Variants in UMAD1 observed in about 807,000 individuals in gnomAD.
UMAD1 encodes the protein UBAP1-MVB12-associated (UMA)-domain containing protein 1.
A neutral mutation model predicts 6.1 loss-of-function variants in UMAD1; 8 were observed. The observed-to-expected ratio is 1.30, with a 90% CI of 0.76 to 2.35. The LOEUF (loss-of-function observed/expected upper bound fraction) is 2.35, where lower values mean the gene tolerates loss of function less well. Among genes scored for constraint, UMAD1 ranks in the 30% most tolerant of loss-of-function variants. UMAD1 has a pLI of 0.00. For missense variants in UMAD1, 130 were observed against 78.4 expected (o/e 1.66, Z -2.49); for synonymous variants, 56 against 31.4 (o/e 1.78, Z -2.61).
chr7:7,807,155 A>G (rs1782933494), intron 3 of UMAD1, among the ~76,000 whole-genome samples: 2 of 152,280 alleles, frequency 1.3e-5, no homozygotes, highest in Non-Finnish European at 2.9e-5. Flanking sequence ...AAAGTGAAAT[A>G]AAATAAGTTC....
chr7:7,649,655 T>G (rs1047892467), intron 1 of UMAD1, among the ~76,000 whole-genome samples: 2 of 151,888 alleles, frequency 1.3e-5, no homozygotes, highest in Non-Finnish European at 2.9e-5. Flanking sequence ...TCTGTGTTAA[T>G]TTGAATGTTA....
chr7:7,698,038 A>C (rs942244827), intron 2 of UMAD1, among the ~76,000 whole-genome samples: 1 of 152,140 alleles, frequency 6.6e-6, no homozygotes, highest in Non-Finnish European at 1.5e-5. Context: ...TTTTAATTAG[A>C]AATAGAGAAT....
intron 2 of UMAD1, among the ~76,000 whole-genome samples, chr7:7,778,255 TGTGTGTGTGTGTGTGTGTGTGA>T (rs1782262031): frequency 7.2e-6 from 1 of 138,768 alleles, no homozygotes; most frequent in African/African-American, 2.7e-5. Flanking sequence ...TGTGTGTGTG[TGTGTGTGTGTGTGTGTGTGTGA>T]GAGAGAGAGA....
intron 2 of UMAD1, among the ~76,000 whole-genome samples, chr7:7,745,757 T>C (rs1411337353): frequency 6.6e-6 from 1 of 152,236 alleles, no homozygotes; most frequent in Non-Finnish European, 1.5e-5. Context: ...AAAAGTAGTC[T>C]AGTACGATGA....
At chr7:7,696,051 G>A (rs1347437389) in intron 2 of UMAD1, among the ~76,000 whole-genome samples, 2 of 149,978 alleles carry the variant, frequency 1.3e-5, no homozygotes, top group Non-Finnish European at 3.0e-5. Context: ...TGTTGCCCAG[G>A]CTGGATTACA....
intron 3 of UMAD1, among the ~76,000 whole-genome samples, chr7:7,853,176 T>C (rs1202217387): frequency 1.3e-5 from 2 of 152,218 alleles, no homozygotes; most frequent in Non-Finnish European, 2.9e-5. Flanking sequence ...TTAATCGATT[T>C]CATTGATCTA....
At chr7:7,766,098 G>A (rs7808785) in intron 2 of UMAD1, among the ~76,000 whole-genome samples, 31,380 of 152,066 alleles carry the variant, frequency 0.21, 4,256 homozygotes, top group African/African-American at 0.39. Context: ...CCGAAATGTA[G>A]CAGTTTCCTT....
intron 2 of UMAD1, among the ~76,000 whole-genome samples, chr7:7,729,857 CT>C (rs1302109456): frequency 2.0e-5 from 3 of 152,202 alleles, no homozygotes; most frequent in Non-Finnish European, 4.4e-5. Flanking sequence ...ATCCTACCCT[CT>C]CGTGTCAAGT....
chr7:7,811,364 T>C (rs1165149692), intron 3 of UMAD1, among the ~76,000 whole-genome samples: 1 of 152,232 alleles, frequency 6.6e-6, no homozygotes. Context: ...AATTCTTTGA[T>C]GTGTTTATCC....
chr7:7,657,090 G>A (rs192070507), intron 1 of UMAD1, among the ~76,000 whole-genome samples: 2 of 152,100 alleles, frequency 1.3e-5, no homozygotes, highest in East Asian at 1.9e-4. Context: ...TTTTTCATAT[G>A]TTTGTTGTCT....
At chr7:7,736,058 T>C (rs1453001193) in intron 2 of UMAD1, 1 of 152,294 alleles carries the variant, frequency 6.6e-6, no homozygotes, top group East Asian at 1.9e-4. Context: ...CTTTTGAATG[T>C]TGCAGTGAAA....
At chr7:7,865,789 G>A (rs564920390) in intron 3 of UMAD1, among the ~76,000 whole-genome samples, 2 of 152,316 alleles carry the variant, frequency 1.3e-5, no homozygotes, top group African/African-American at 4.8e-5. Flanking sequence ...GAAGAGTTGT[G>A]TAAGGCAGGT....
chr7:7,655,238 G>A (rs1001548891), intron 1 of UMAD1, among the ~76,000 whole-genome samples: 6 of 152,118 alleles, frequency 3.9e-5, no homozygotes, highest in Non-Finnish European at 8.8e-5. Context: ...GAATAAACTA[G>A]ACTGCCCCTT....
chr7:7,752,206 A>G (rs1188800792), intron 2 of UMAD1, among the ~76,000 whole-genome samples: 3 of 152,206 alleles, frequency 2.0e-5, no homozygotes, highest in African/African-American at 7.2e-5. Context: ...TGTTGTAAAA[A>G]AATAGATTAT....
chr7:7,828,558 A>C lies in UMAD1; in HGVS notation c.156+26815A>C, dbSNP rs1783393242. On this transcript the variant is annotated intron_variant, in intron 3 of 3. Transcript: ENST00000682710. ...GGCTATATCAACCCATAGGGACCCCATCCCTGCTGACTTCTGTGTGTACAC... is the reference window on the plus strand; with the variant it reads ...GGCTATATCAACCCATAGGGACCCCCTCCCTGCTGACTTCTGTGTGTACAC... Among the ~76,000 whole-genome samples, 3 of 152,174 alleles carry C rather than the reference A, an allele frequency of 2.0e-5. No individual in the cohort carries two copies. In the South Asian group the frequency reaches 6.2e-4, roughly 32 times the overall value.
At chr7:7,688,548 G>A (rs1780093535) in intron 2 of UMAD1, among the ~76,000 whole-genome samples, 1 of 152,126 alleles carries the variant, frequency 6.6e-6, no homozygotes, top group Non-Finnish European at 1.5e-5. Context: ...CGTGTTCAGT[G>A]TCAAGATCTC....
At chr7:7,706,661 G>T (rs1348750404) in intron 2 of UMAD1, among the ~76,000 whole-genome samples, 1 of 152,064 alleles carries the variant, frequency 6.6e-6, no homozygotes, top group African/African-American at 2.4e-5. Context: ...AGAACTCTAA[G>T]AACTTAGTAC....
intron 2 of UMAD1, among the ~76,000 whole-genome samples, chr7:7,748,691 A>T (rs1781620840): frequency 6.6e-6 from 1 of 152,030 alleles, no homozygotes; most frequent in South Asian, 2.1e-4. Context: ...TTAAAATACA[A>T]CCTATCATGT....
intron 2 of UMAD1, among the ~76,000 whole-genome samples, chr7:7,756,568 C>G (rs1299882785): frequency 6.6e-6 from 1 of 152,192 alleles, no homozygotes; most frequent in African/African-American, 2.4e-5. Context: ...GCTACAGCAG[C>G]TCCAAGCCCC....
Sources: allele counts gnomAD v4.1 joint callset (sites outside exome capture counted in the v4.1 genomes callset), GRCh38; gene constraint gnomAD v4.1.1; transcripts MANE v1.5; gene names NCBI Gene and HGNC (gene_info 2026-07-23, HGNC 2026-07-21).